Variants in GABPB1 observed in about 807,000 individuals in gnomAD.
The protein encoded by GABPB1 is GA binding protein transcription factor subunit beta 1.
Under a neutral mutation model 45.9 loss-of-function variants are expected in GABPB1, and 15 were observed. The ratio of observed to expected loss-of-function variants is 0.33; its 90% CI spans 0.22 to 0.50. The LOEUF (loss-of-function observed/expected upper bound fraction) is 0.50, where lower values mean the gene tolerates loss of function less well. Among genes scored for constraint, GABPB1 ranks in the 20% least tolerant of loss-of-function variants. GABPB1 has a pLI of 0.98. For missense variants in GABPB1, 252 were observed against 457.5 expected (o/e 0.55, Z 4.10); for synonymous variants, 143 against 154.4 (o/e 0.93, Z 0.55).
intron 1 of GABPB1, among the ~76,000 whole-genome samples, chr15:50,311,654 A>AC (rs34016226): frequency 0.65 from 99,018 of 151,936 alleles, 33,613 homozygotes; most frequent in African/African-American, 0.83. Context: ...AATCGGAAAC[A>AC]TTATGGACCT....
At chr15:50,288,854 TTC>T (rs1319706193) in intron 7 of GABPB1, among the ~76,000 whole-genome samples, 3 of 152,064 alleles carry the variant, frequency 2.0e-5, no homozygotes, top group Admixed American at 6.6e-5. Context: ...GAGAAAGAGT[TTC>T]TCTCTGTTGC....
chr15:50,354,688 C>T, intron 1 of GABPB1: 1 of 409,606 alleles, frequency 2.4e-6, no homozygotes, highest in South Asian at 1.7e-5. Flanking sequence ...CGCGAGGCGG[C>T]CGCGGCATGC....
chr15:50,315,193 G>A (rs28721888), intron 1 of GABPB1, among the ~76,000 whole-genome samples: 215 of 152,216 alleles, frequency 1.4e-3, no homozygotes, highest in African/African-American at 4.9e-3. Context: ...GTACAGCGGT[G>A]AGATCATAGT....
At chr15:50,331,879 TTTTTG>T (rs144403639) in intron 1 of GABPB1, among the ~76,000 whole-genome samples, 30,222 of 150,336 alleles carry the variant, frequency 0.2, 3,150 homozygotes, top group African/African-American at 0.29. Flanking sequence ...TGTTTTTTGT[TTTTTG>T]TTTTTTTTGA....
intron 1 of GABPB1, among the ~76,000 whole-genome samples, chr15:50,338,978 T>G (rs1274131937): frequency 1.3e-5 from 2 of 151,826 alleles, no homozygotes; most frequent in South Asian, 4.2e-4. Context: ...CTAGCCAACA[T>G]AGTGAAACCC....
chr15:50,283,152 G>T (rs564626131), intron 8 of GABPB1, among the ~76,000 whole-genome samples: 1 of 152,084 alleles, frequency 6.6e-6, no homozygotes, highest in Non-Finnish European at 1.5e-5. Flanking sequence ...GTAAGTAATA[G>T]AAATCTGTTA....
chr15:50,289,424 A>G (rs1345303745), intron 7 of GABPB1, 59 bp downstream of exon 7: 1 of 1,122,338 alleles, frequency 8.9e-7, no homozygotes, highest in East Asian at 2.7e-5. Context: ...GAAGACTTAA[A>G]GAAAATAAAA....
At chr15:50,278,989 T>C (rs1368391887) in intron 8 of GABPB1, among the ~76,000 whole-genome samples, 1 of 152,164 alleles carries the variant, frequency 6.6e-6, no homozygotes. Context: ...AGATATGGAT[T>C]AATTTCTGAC....
chr15:50,312,980 G>A (rs1384984727), intron 1 of GABPB1, among the ~76,000 whole-genome samples: 1 of 152,064 alleles, frequency 6.6e-6, no homozygotes, highest in Non-Finnish European at 1.5e-5. Flanking sequence ...ACTGTCTTAT[G>A]TTCTTTCTTT....
intron 1 of GABPB1, chr15:50,354,391 T>C: frequency 2.2e-6 from 1 of 452,096 alleles, no homozygotes; most frequent in Non-Finnish European, 4.4e-6. Flanking sequence ...TAACCCTGTC[T>C]GGTCCGGCCG....
At chr15:50,300,250 C>G (rs1046771141) in intron 6 of GABPB1, among the ~76,000 whole-genome samples, 1 of 151,960 alleles carries the variant, frequency 6.6e-6, no homozygotes, top group African/African-American at 2.4e-5. Context: ...TCCAGATTCA[C>G]AGCTTCCTAT....
intron 1 of GABPB1, among the ~76,000 whole-genome samples, chr15:50,319,945 A>G (rs1228944566): frequency 6.6e-6 from 1 of 152,230 alleles, no homozygotes; most frequent in African/African-American, 2.4e-5. Flanking sequence ...TGTTCTCAGA[A>G]GTAACCACTA....
intron 1 of GABPB1, among the ~76,000 whole-genome samples, chr15:50,314,892 G>GAA (rs2047262297): frequency 6.6e-6 from 1 of 152,166 alleles, no homozygotes; most frequent in African/African-American, 2.4e-5. Context: ...ATGCCACTTT[G>GAA]GCATCTGCAT....
intron 1 of GABPB1, chr15:50,350,445 A>C (rs1567556530): frequency 6.6e-6 from 1 of 150,528 alleles, no homozygotes; most frequent in Non-Finnish European, 1.5e-5. Flanking sequence ...CCATGTCAGA[A>C]GGTATGCCAA....
At chr15:50,303,692 AAC>A (rs1310223309) in intron 3 of GABPB1, among the ~76,000 whole-genome samples, 3 of 151,142 alleles carry the variant, frequency 2.0e-5, no homozygotes, top group Admixed American at 6.6e-5. Flanking sequence ...AAAAAAAAAA[AAC>A]AAAAAGAAAA....
chr15:50,289,670 TG>T lies in GABPB1; in HGVS notation c.698-3del. 1 of 1,579,162 alleles carries T rather than the reference TG, an allele frequency of 6.3e-7. No homozygotes were observed. Among genetic ancestry groups the T allele is most frequent in the Non-Finnish European group, 8.6e-7 (1 of 1,167,924 alleles). On this transcript the variant is annotated splice_polypyrimidine_tract_variant and splice_region_variant and intron_variant, in intron 6 of 8. Coordinates refer to ENST00000380877, the MANE Select transcript of GABPB1 (RefSeq NM_016654.5). ...TAACTACTTCTTCTGTGGCCACTAC[TG>T]GAAAAAAAAAAAAGAAAACTCAGCA... is the stretch of plus-strand genomic sequence containing the variant.
At chr15:50,340,547 C>CAA (rs397853899) in intron 1 of GABPB1, among the ~76,000 whole-genome samples, 4 of 110,780 alleles carry the variant, frequency 3.6e-5, no homozygotes, top group African/African-American at 1.0e-4. Flanking sequence ...CTATAATCAC[C>CAA]AAAAAAAAAA....
chr15:50,307,149 C>T (rs1194742059), intron 2 of GABPB1, among the ~76,000 whole-genome samples: 1 of 152,108 alleles, frequency 6.6e-6, no homozygotes, highest in Non-Finnish European at 1.5e-5. Context: ...AAACTGTCTT[C>T]CATAACGATT....
At chr15:50,286,557 A>T (rs2046163178) in intron 7 of GABPB1, among the ~76,000 whole-genome samples, 1 of 152,176 alleles carries the variant, frequency 6.6e-6, no homozygotes, top group African/African-American at 2.4e-5. Flanking sequence ...TTGTTTAAAA[A>T]TTAGTATACA....
Sources: allele counts gnomAD v4.1 joint callset (sites outside exome capture counted in the v4.1 genomes callset), GRCh38; gene constraint gnomAD v4.1.1; transcripts MANE v1.5; gene names NCBI Gene and HGNC (gene_info 2026-07-23, HGNC 2026-07-21).